GPHN: variants seen among roughly 807,000 people sequenced by gnomAD.
The protein encoded by GPHN is gephyrin.
A neutral mutation model predicts 95.5 loss-of-function variants in GPHN; 17 were observed. The ratio of observed to expected loss-of-function variants is 0.18; its 90% CI spans 0.12 to 0.27. The LOEUF (loss-of-function observed/expected upper bound fraction) is 0.27. GPHN is among the 10% of genes least tolerant of loss of function. The probability of loss-of-function intolerance (pLI) is 1.00; values close to 1 mark genes in which losing one functional copy is unlikely to be tolerated. For synonymous variants in GPHN, 320 were observed against 322.5 expected (o/e 0.99, Z 0.08); for missense variants, 660 against 978.1 (o/e 0.67, Z 4.34).
At chr14:67,479,446 A>G in the GPHN span, among the ~76,000 whole-genome samples, 2 of 148,544 alleles carry the variant, frequency 1.3e-5, no homozygotes, top group Non-Finnish European at 3.0e-5. Context: ...AGCTGGGTGC[A>G]GTAGCTCATG....
At chr14:67,572,177 TC>T in the GPHN span, 2 of 1,606,124 alleles carry the variant, frequency 1.2e-6, no homozygotes, top group Non-Finnish European at 1.7e-6. Flanking sequence ...GACTACGCCA[TC>T]CCCCCGGACG....
chr14:67,264,563 G>C, the GPHN span, among the ~76,000 whole-genome samples: 1 of 152,166 alleles, frequency 6.6e-6, no homozygotes, highest in African/African-American at 2.4e-5. Context: ...TAAATGGTAT[G>C]AGTAAAGGTC....
At chr14:67,354,909 G>A in the GPHN span, among the ~76,000 whole-genome samples, 1 of 152,180 alleles carries the variant, frequency 6.6e-6, no homozygotes, top group African/African-American at 2.4e-5. Context: ...TGCCTCCCAG[G>A]TTCAAGCGAT....
chr14:67,284,646 C>G, the GPHN span, among the ~76,000 whole-genome samples: 2 of 148,630 alleles, frequency 1.3e-5, no homozygotes, highest in Non-Finnish European at 3.0e-5. Flanking sequence ...AATGGTCACT[C>G]CCTATTCTGT....
At chr14:66,719,612 G>A (rs1566864925) in intron 2 of GPHN, among the ~76,000 whole-genome samples, 1 of 152,086 alleles carries the variant, frequency 6.6e-6, no homozygotes, top group Admixed American at 6.5e-5. Flanking sequence ...TCCACACGCT[G>A]CTCTGTTCAT....
downstream of GPHN, among the ~76,000 whole-genome samples, chr14:67,184,629 A>G (rs2083359743): frequency 6.6e-6 from 1 of 152,186 alleles, no homozygotes. Flanking sequence ...AAAGAAGGAA[A>G]AAAATGAGTT....
chr14:66,889,386 A>C lies in GPHN; in HGVS notation c.389+9353A>C, dbSNP rs557692869. Among the ~76,000 whole-genome samples, 36 of 152,320 alleles carry C rather than the reference A, an allele frequency of 2.4e-4. No homozygotes were observed. In the East Asian group the frequency reaches 4.4e-3, roughly 19 times the overall value. ...TAGGTTTTTTAAAATAGATGCCATA[A>C]AAAGTATATTGCAAAATAGTATATT... On this transcript the variant is annotated intron_variant, in intron 5 of 22. Coordinates refer to ENST00000478722, the MANE Select transcript of GPHN (RefSeq NM_020806.5).
chr14:67,347,501 TC>T, the GPHN span: 8,118 of 1,223,198 alleles, frequency 6.6e-3, 176 homozygotes, highest in African/African-American at 0.046. Context: ...TTAAGTTCTC[TC>T]TTTTTTTTTT....
chr14:66,846,857 A>AT (rs2062360392), intron 4 of GPHN, among the ~76,000 whole-genome samples: 1 of 152,052 alleles, frequency 6.6e-6, no homozygotes, highest in Admixed American at 6.6e-5. Flanking sequence ...ACAGTGAGAG[A>AT]TTTTTGCCCC....
intron 2 of GPHN, among the ~76,000 whole-genome samples, chr14:66,708,608 T>C (rs1342526084): frequency 1.3e-5 from 2 of 152,110 alleles, no homozygotes; most frequent in Non-Finnish European, 2.9e-5. Context: ...CACAACATGA[T>C]AAGGAAAGAA....
the GPHN span, among the ~76,000 whole-genome samples, chr14:67,689,866 C>A: frequency 1.3e-5 from 2 of 152,142 alleles, no homozygotes; most frequent in Admixed American, 1.3e-4. Flanking sequence ...ATCACTTGAA[C>A]CTGGGAAGTG....
intron 12 of GPHN, among the ~76,000 whole-genome samples, chr14:67,097,582 T>C (rs2077464829): frequency 6.6e-6 from 1 of 151,704 alleles, no homozygotes; most frequent in African/African-American, 2.4e-5. Context: ...CACACACCCC[T>C]ACTTAGCTCT....
At chr14:66,540,581 T>A (rs2140057444) in intron 1 of GPHN, among the ~76,000 whole-genome samples, 1 of 152,324 alleles carries the variant, frequency 6.6e-6, no homozygotes, top group East Asian at 1.9e-4. Flanking sequence ...TGAAACCTTC[T>A]TATTGTGCTA....
intron 5 of GPHN, among the ~76,000 whole-genome samples, chr14:66,913,305 T>TC (rs1394647162): frequency 2.6e-5 from 4 of 152,022 alleles, no homozygotes; most frequent in Non-Finnish European, 4.4e-5. Context: ...GCATTATTTT[T>TC]CCCCTCCTCC....
At chr14:66,962,474 A>T (rs1179748469) in intron 8 of GPHN, among the ~76,000 whole-genome samples, 1 of 151,708 alleles carries the variant, frequency 6.6e-6, no homozygotes, top group Non-Finnish European at 1.5e-5. Flanking sequence ...TCATTCATCA[A>T]TGCATTTTTT....
At chr14:67,045,097 G>A (rs895674432) in intron 10 of GPHN, among the ~76,000 whole-genome samples, 3 of 152,124 alleles carry the variant, frequency 2.0e-5, no homozygotes, top group African/African-American at 7.2e-5. Context: ...TGACTCACCT[G>A]TGATCCAGAC....
At chr14:66,964,118 A>T (rs1474903164) in intron 8 of GPHN, among the ~76,000 whole-genome samples, 1 of 152,182 alleles carries the variant, frequency 6.6e-6, no homozygotes, top group Non-Finnish European at 1.5e-5. Context: ...TATAATCAAC[A>T]TATATTAATA....
the GPHN span, among the ~76,000 whole-genome samples, chr14:67,278,833 G>C: frequency 1.3e-5 from 2 of 151,990 alleles, no homozygotes; most frequent in Non-Finnish European, 2.9e-5. Context: ...GGGACTTTTT[G>C]GGGGAGGGGG....
At chr14:67,008,638 G>A (rs1479754251) in intron 9 of GPHN, among the ~76,000 whole-genome samples, 1 of 151,724 alleles carries the variant, frequency 6.6e-6, no homozygotes, top group African/African-American at 2.4e-5. Flanking sequence ...TCCGCCTTCT[G>A]GGCTCAAGCG....
Sources: gnomAD v4.1 joint callset for allele counts (sites outside exome capture counted in the v4.1 genomes callset) on GRCh38, gnomAD v4.1.1 for gene constraint, MANE v1.5 for transcripts, NCBI Gene and HGNC (gene_info 2026-07-23, HGNC 2026-07-21) for gene names.